STARD13: variants seen among roughly 807,000 people sequenced by gnomAD.
STARD13 encodes stAR-related lipid transfer protein 13.
STARD13 carries 62 observed loss-of-function variants against 106.4 expected under a neutral mutation model. The ratio of observed to expected loss-of-function variants is 0.58; its 90% CI spans 0.48 to 0.72. The LOEUF is 0.72. STARD13 is among the 30% of genes least tolerant of loss of function. The pLI is 0.00. For missense variants in STARD13, 1,387 were observed against 1,424.0 expected, an observed-to-expected ratio of 0.97 and a Z score of 0.42; for synonymous variants, 565 against 553.0, an observed-to-expected ratio of 1.02 and a Z score of -0.31.
At chr13:33,575,405 G>C in the STARD13 span, among the ~76,000 whole-genome samples, 1 of 152,158 alleles carries the variant, frequency 6.6e-6, no homozygotes, top group Non-Finnish European at 1.5e-5. Flanking sequence ...ATTTTGTGGG[G>C]AAAGGGAAAA....
At chr13:33,488,909 T>C in the STARD13 span, among the ~76,000 whole-genome samples, 1 of 152,222 alleles carries the variant, frequency 6.6e-6, no homozygotes, top group Non-Finnish European at 1.5e-5. Context: ...AATTTCAGAC[T>C]CATATTTAAT....
the STARD13 span, among the ~76,000 whole-genome samples, chr13:33,524,062 C>T: frequency 6.6e-6 from 1 of 151,992 alleles, no homozygotes; most frequent in African/African-American, 2.4e-5. Context: ...GTTCTCATTA[C>T]AAATTTTCTC....
At chr13:33,614,270 C>CATGTGTGTGTGT in the STARD13 span, among the ~76,000 whole-genome samples, 8 of 145,154 alleles carry the variant, frequency 5.5e-5, no homozygotes, top group Non-Finnish European at 9.0e-5. Context: ...ATACATTCTC[C>CATGTGTGTGTGT]GTGTGTGTGT....
the STARD13 span, among the ~76,000 whole-genome samples, chr13:33,477,469 G>T: frequency 6.6e-6 from 1 of 152,180 alleles, no homozygotes; most frequent in Non-Finnish European, 1.5e-5. Flanking sequence ...GGCAAATCTT[G>T]CCAAGGAACT....
chr13:33,115,757 C>T (rs906054704), intron 8 of STARD13, among the ~76,000 whole-genome samples: 5 of 152,138 alleles, frequency 3.3e-5, no homozygotes, highest in African/African-American at 9.7e-5. Context: ...ATGTATGACC[C>T]TGATAAAAAG....
chr13:33,596,926 C>G, the STARD13 span, among the ~76,000 whole-genome samples: 3 of 152,102 alleles, frequency 2.0e-5, no homozygotes, highest in Non-Finnish European at 4.4e-5. Flanking sequence ...TTTTCTTTGT[C>G]TATTCATCCA....
At chr13:33,172,224 C>G (rs1241222215) in intron 1 of STARD13, among the ~76,000 whole-genome samples, 1 of 152,046 alleles carries the variant, frequency 6.6e-6, no homozygotes, top group East Asian at 1.9e-4. Context: ...ATATAATGAT[C>G]TTATTTGTAA....
chr13:33,389,872 T>C, the STARD13 span, among the ~76,000 whole-genome samples: 3 of 152,182 alleles, frequency 2.0e-5, no homozygotes, highest in African/African-American at 7.2e-5. Context: ...AATTTTGACC[T>C]CAGTATCTTC....
intron 1 of STARD13, among the ~76,000 whole-genome samples, chr13:33,192,302 T>G (rs901038790): frequency 1.3e-5 from 2 of 152,254 alleles, no homozygotes; most frequent in Non-Finnish European, 2.9e-5. Flanking sequence ...ATTCCTTAAT[T>G]AATTAATCAT....
chr13:33,167,741 C>T, intron 1 of STARD13, 119 bp from the exon 2 acceptor site: 1 of 1,020,666 alleles, frequency 9.8e-7, no homozygotes, highest in Admixed American at 2.0e-5. Flanking sequence ...AAAATTGTTC[C>T]AGGTAAGTCT....
chr13:33,408,926 G>A, the STARD13 span, among the ~76,000 whole-genome samples: 1 of 151,874 alleles, frequency 6.6e-6, no homozygotes, highest in African/African-American at 2.4e-5. Context: ...CTGCTCAAAT[G>A]TTACCTTATC....
intron 12 of STARD13, 24 bp downstream of exon 12, chr13:33,109,849 C>T (rs759650311): frequency 6.2e-7 from 1 of 1,612,320 alleles, no homozygotes; most frequent in Non-Finnish European, 8.5e-7. Flanking sequence ...AACAGAACAT[C>T]ATAAACCCTA....
At chr13:33,674,558 G>A in the STARD13 span, among the ~76,000 whole-genome samples, 1 of 152,146 alleles carries the variant, frequency 6.6e-6, no homozygotes, top group Non-Finnish European at 1.5e-5. Context: ...TATAATTCCA[G>A]TGCATTTCTC....
At chr13:33,114,853 C>T (rs946819617) in intron 8 of STARD13, among the ~76,000 whole-genome samples, 24 of 151,960 alleles carry the variant, frequency 1.6e-4, no homozygotes, top group South Asian at 6.2e-4. Context: ...TTACTAAAAA[C>T]GCTTCAAATA....
chr13:33,441,625 C>T, the STARD13 span, among the ~76,000 whole-genome samples: 8 of 152,076 alleles, frequency 5.3e-5, no homozygotes, highest in African/African-American at 1.9e-4. Flanking sequence ...GAAGGAAATT[C>T]GGAAAAACAG....
At chr13:33,448,420 G>A in the STARD13 span, among the ~76,000 whole-genome samples, 3 of 152,164 alleles carry the variant, frequency 2.0e-5, no homozygotes, top group East Asian at 5.8e-4. Context: ...CATCCATGTT[G>A]CCACAAGTGA....
At chr13:33,164,533 A>T (rs946346715) in intron 3 of STARD13, 1 of 152,176 alleles carries the variant, frequency 6.6e-6, no homozygotes, top group African/African-American at 2.4e-5. Flanking sequence ...ACTAATCCTT[A>T]TCTTCAGCTC....
intron 1 of STARD13, among the ~76,000 whole-genome samples, chr13:33,290,938 G>C (rs768829369): frequency 6.6e-6 from 1 of 152,154 alleles, no homozygotes; most frequent in Non-Finnish European, 1.5e-5. Context: ...AAGCTCTTTG[G>C]TCTTACCAGT....
the STARD13 span, among the ~76,000 whole-genome samples, chr13:33,543,392 T>G: frequency 6.6e-6 from 1 of 152,204 alleles, no homozygotes; most frequent in Non-Finnish European, 1.5e-5. Context: ...CAATGTAGAT[T>G]CGTTTGCATG....
Sources: gnomAD v4.1 joint callset for allele counts (sites outside exome capture counted in the v4.1 genomes callset) on GRCh38, gnomAD v4.1.1 for gene constraint, MANE v1.5 for transcripts, NCBI Gene and HGNC (gene_info 2026-07-23, HGNC 2026-07-21) for gene names.